SLCO3A1: variants seen among roughly 807,000 people sequenced by gnomAD.
The protein encoded by SLCO3A1 is solute carrier organic anion transporter family member 3A1.
A neutral mutation model predicts 63.1 loss-of-function variants in SLCO3A1; 27 were observed. That is an observed-to-expected ratio of 0.43 (90% CI 0.32 to 0.59). SLCO3A1 has a LOEUF of 0.59. SLCO3A1 is among the 20% of genes least tolerant of loss of function. The probability of loss-of-function intolerance (pLI) is 0.09; values close to 1 mark genes in which losing one functional copy is unlikely to be tolerated. For missense variants in SLCO3A1, 773 were observed against 945.8 expected, an observed-to-expected ratio of 0.82 and a Z score of 2.40; for synonymous variants, 473 against 409.9, an observed-to-expected ratio of 1.15 and a Z score of -1.86.
chr15:91,988,861 A>G (rs1343985822), intron 2 of SLCO3A1, among the ~76,000 whole-genome samples: 1 of 152,210 alleles, frequency 6.6e-6, no homozygotes, highest in African/African-American at 2.4e-5. Context: ...CATAAATCCT[A>G]CTAATGCAGA....
At chr15:92,115,866 T>G (rs2047789423) in intron 4 of SLCO3A1, among the ~76,000 whole-genome samples, 1 of 141,730 alleles carries the variant, frequency 7.1e-6, no homozygotes. Flanking sequence ...CCATGCCAGA[T>G]CTGGTCATTT....
chr15:92,140,979 G>T (rs1331529200), intron 7 of SLCO3A1, among the ~76,000 whole-genome samples: 2 of 152,196 alleles, frequency 1.3e-5, no homozygotes, highest in Non-Finnish European at 2.9e-5. Context: ...GTCCTTTTAT[G>T]CCTGGGCAGG....
intron 2 of SLCO3A1, among the ~76,000 whole-genome samples, chr15:91,929,721 C>A (rs189933514): frequency 7.7e-4 from 117 of 152,264 alleles, no homozygotes; most frequent in African/African-American, 2.5e-3. Flanking sequence ...CAGGCCCTGG[C>A]AACCACCATT....
chr15:92,027,545 C>G (rs1005035275), intron 2 of SLCO3A1, among the ~76,000 whole-genome samples: 3 of 152,212 alleles, frequency 2.0e-5, no homozygotes, highest in Non-Finnish European at 2.9e-5. Flanking sequence ...TTCACCCGTG[C>G]TTTGGCCACA....
At chr15:92,076,616 T>A (rs2047280243) in intron 2 of SLCO3A1, among the ~76,000 whole-genome samples, 1 of 152,210 alleles carries the variant, frequency 6.6e-6, no homozygotes, top group Non-Finnish European at 1.5e-5. Context: ...ATTCTCATTC[T>A]GCTGAGCCTC....
rs375554448 is a variant in SLCO3A1 at position 91,957,124 on chromosome 15, TA to T, written c.646+40668del. On this transcript the variant is annotated intron_variant, in intron 2 of 9. Transcript: ENST00000318445. ...ATAATATATATATATATAATATATA[TA>T]ATATATATACTATATATTATAATAT... Among the ~76,000 whole-genome samples, 11 of 33,460 alleles carry T rather than the reference TA, an allele frequency of 3.3e-4. 2 individuals are homozygous for T. Among genetic ancestry groups the T allele is most frequent in the African/African-American group, 2.6e-3 (11 of 4,300 alleles). The allele number at this position is 33,460 out of a possible 152,430, so 22.0% of individuals were successfully genotyped here. A position where few individuals can be genotyped will look rare whatever the true frequency, so the allele number is the denominator to read the frequency against.
At chr15:91,931,813 A>ACACACACG (rs1485782527) in intron 2 of SLCO3A1, among the ~76,000 whole-genome samples, 1 of 151,892 alleles carries the variant, frequency 6.6e-6, no homozygotes, top group Non-Finnish European at 1.5e-5. Context: ...ACACACACAC[A>ACACACACG]CACACACACT....
chr15:92,109,585 A>G (rs2047704895), intron 4 of SLCO3A1, among the ~76,000 whole-genome samples: 1 of 152,188 alleles, frequency 6.6e-6, no homozygotes, highest in Admixed American at 6.5e-5. Context: ...TCACTGAAAG[A>G]GAGGGCAATC....
At chr15:91,871,219 G>A (rs1399139683) in intron 1 of SLCO3A1, among the ~76,000 whole-genome samples, 2 of 152,158 alleles carry the variant, frequency 1.3e-5, no homozygotes, top group East Asian at 3.9e-4. Context: ...CATGCTTTCT[G>A]TAGCCTGAAG....
chr15:91,932,254 A>G (rs773374393), intron 2 of SLCO3A1, among the ~76,000 whole-genome samples: 2 of 152,182 alleles, frequency 1.3e-5, no homozygotes, highest in Non-Finnish European at 2.9e-5. Flanking sequence ...GAGATTTCAT[A>G]GAATAATTGA....
At chr15:92,016,204 T>TATAGATAGATTAG (rs2046424818) in intron 2 of SLCO3A1, among the ~76,000 whole-genome samples, 2 of 120,208 alleles carry the variant, frequency 1.7e-5, no homozygotes, top group South Asian at 5.7e-4. Flanking sequence ...TATATATTTA[T>TATAGATAGATTAG]ATAGATAGAT....
At chr15:92,123,391 G>C (rs763733260) in intron 5 of SLCO3A1, among the ~76,000 whole-genome samples, 1 of 152,146 alleles carries the variant, frequency 6.6e-6, no homozygotes, top group Non-Finnish European at 1.5e-5. Flanking sequence ...TGGGGGACAA[G>C]AGTGAGACTT....
intron 4 of SLCO3A1, among the ~76,000 whole-genome samples, chr15:92,116,059 C>T (rs2047791284): frequency 6.6e-6 from 1 of 152,078 alleles, no homozygotes; most frequent in Admixed American, 6.5e-5. Context: ...GCAGCAGGTA[C>T]CAGGGTTTCA....
At position 92,016,254 on chromosome 15, in the gene SLCO3A1, T is replaced by TAGATAGATAGATTGATTAGATAGATAGA; in HGVS notation, c.647-78627_647-78626insAGATAGATAGATTGATTAGATAGATAGA. ...ATAGATAGATAGATAGATAGATAGA[T>TAGATAGATAGATTGATTAGATAGATAGA]TAGATAGATAGATAGATAGATAGAT... is the stretch of plus-strand genomic sequence containing the variant. On this transcript the variant is annotated intron_variant, in intron 2 of 9. Coordinates refer to ENST00000318445, the MANE Select transcript of SLCO3A1 (RefSeq NM_013272.4). 3.8e-3 allele frequency among the ~76,000 whole-genome samples: 363 copies of TAGATAGATAGATTGATTAGATAGATAGA among 95,690 alleles called. 1 individual carries two copies. The highest frequency in any genetic ancestry group is 5.4e-3 in the Non-Finnish European group (253 of 46,482). 62.8% of individuals were successfully genotyped at this position (95,690 alleles called of 152,430 possible). A position where few individuals can be genotyped will look rare whatever the true frequency, so the allele number is the denominator to read the frequency against.
rs1900717075 is a variant in SLCO3A1 at position 91,967,881 on chromosome 15, C to T, written c.646+51423C>T. Among the ~76,000 whole-genome samples the T allele has an allele frequency of 6.6e-6, 1 of 152,174 alleles. No homozygotes were observed. The highest frequency in any genetic ancestry group is 2.4e-5 in the African/African-American group (1 of 41,446). On this transcript the variant is annotated intron_variant, in intron 2 of 9. Transcript: ENST00000318445. This position sits in a 1 kb window ranked among gnomAD's most constrained non-coding sequence, Gnocchi z 4.4. ...CCTTGTCTGCTTTGTCTGCAGGATT[C>T]AGCACCAAGAGCTCTCAAGAGCAAA...
intron 2 of SLCO3A1, among the ~76,000 whole-genome samples, chr15:92,049,197 C>T (rs1425801766): frequency 6.6e-6 from 1 of 152,166 alleles, no homozygotes; most frequent in East Asian, 1.9e-4. Flanking sequence ...CATCTTTCTG[C>T]ACAGTGGCTT....
At chr15:91,983,919 A>G (rs1365441540) in intron 2 of SLCO3A1, among the ~76,000 whole-genome samples, 1 of 152,196 alleles carries the variant, frequency 6.6e-6, no homozygotes, top group African/African-American at 2.4e-5. Flanking sequence ...TCTATTGTAC[A>G]GTTGAATCCG....
At chr15:91,899,522 C>T (rs1898098065) in intron 1 of SLCO3A1, among the ~76,000 whole-genome samples, 1 of 152,168 alleles carries the variant, frequency 6.6e-6, no homozygotes, top group South Asian at 2.1e-4. Context: ...TTGTGAACCT[C>T]TCCCAGTTCT....
chr15:92,120,556 C>G lies in SLCO3A1; in HGVS notation c.1101C>G (p.Gly367=), dbSNP rs1402967813. The G allele has an allele frequency of 6.2e-7, 1 of 1,613,978 alleles. No homozygotes were observed. Among genetic ancestry groups the G allele is most frequent in the African/African-American group, 1.3e-5 (1 of 74,912 alleles). The change falls in exon 5 of 10, where the codon GGC becomes GGG. Residue 367 remains glycine (G), a synonymous_variant. Coordinates refer to ENST00000318445, the MANE Select transcript of SLCO3A1 (RefSeq NM_013272.4). The part of the protein sequence containing the change: ...AACMEIAVVA[G]FAAFLGKYLE... ...GCATGGAGATTGCAGTGGTGGCTGG[C>G]TTCGCTGCCTTTTTGGGGAAGTACC...
Sources: gnomAD v4.1 joint callset for allele counts (sites outside exome capture counted in the v4.1 genomes callset) on GRCh38, gnomAD v4.1.1 for gene constraint, Gnocchi (gnomAD v3.1) non-coding constraint, MANE v1.5 for transcripts, NCBI Gene and HGNC (gene_info 2026-07-23, HGNC 2026-07-21) for gene names.